The following TOX3 variants were observed in gnomAD, a reference collection of about 807,000 sequenced individuals.
TOX3 encodes CAG trinucleotide repeat-containing gene F9 protein.
In TOX3, 22 loss-of-function variants were observed where a neutral mutation model predicts 64.3. That is an observed-to-expected ratio of 0.34 (90% confidence interval 0.24 to 0.49). The LOEUF (loss-of-function observed/expected upper bound fraction) is 0.49. TOX3 is among the 20% of genes least tolerant of loss of function. The probability of loss-of-function intolerance (pLI) is 0.99; values close to 1 mark genes in which losing one functional copy is unlikely to be tolerated. For missense variants in TOX3, 661 were observed against 714.4 expected (o/e 0.93, Z 0.85); for synonymous variants, 291 against 273.6 (o/e 1.06, Z -0.63).
chr16:52,439,924 C>A lies in TOX3; in HGVS notation c.1032G>T (p.Gln344His). Reference sequence around the variant, plus strand: ...TTAGATTGGTCGACGCCAGGGTCTGCTGAACAGAACGGATGGTCTGGGCTT... The same window carrying A: ...TTAGATTGGTCGACGCCAGGGTCTGATGAACAGAACGGATGGTCTGGGCTT... ...SAEAQTIRSV[Q>H]QTLASTNLTS... The change falls in exon 7 of 7, where the codon CAG (glutamine) becomes CAT (histidine). Residue 344 changes from glutamine (Q) to histidine (H), a missense_variant. Physicochemically the swap from Gln to His is conservative, Grantham distance 24 (BLOSUM62 0). Around this residue, in one of 3 missense-constraint regions of TOX3, gnomAD observed 299 missense variants for 292.1 expected, o/e 1.02. Coordinates refer to ENST00000219746, the MANE Select transcript of TOX3 (RefSeq NM_001080430.4). 6.3e-7 allele frequency: 1 copy of A among 1,598,768 alleles called. No homozygotes were observed. The highest frequency in any genetic ancestry group is 8.5e-7 in the Non-Finnish European group (1 of 1,171,672).
chr16:52,546,861 C>A lies in TOX3; in HGVS notation c.-138G>T, dbSNP rs1963208410. 2.5e-6 allele frequency: 3 copies of A among 1,217,386 alleles called. No homozygotes were observed. The highest frequency in any genetic ancestry group is 3.3e-4 in the Middle Eastern group (1 of 3,076). The allele number at this position is 1,217,386 out of a possible 1,614,324, so 75.4% of individuals were successfully genotyped here. On this transcript the variant is annotated 5_prime_UTR_variant, in exon 1 of 7. Coordinates refer to ENST00000219746, the MANE Select transcript of TOX3 (RefSeq NM_001080430.4). ...ACTCGCGGCCGGAGGGGCGCCGGGA[C>A]CCAGAGCCCGAGGAGCTCGGGAGCC...
At chr16:52,454,423 G>C (rs1458346177) in intron 3 of TOX3, among the ~76,000 whole-genome samples, 2 of 152,002 alleles carry the variant, frequency 1.3e-5, no homozygotes, top group Non-Finnish European at 2.9e-5. Context: ...AGTAACCTCT[G>C]ACCCACATAA....
Position 52,446,018 on chromosome 16 carries a change from G to T in TOX3, c.882C>A (p.Asp294Glu). Residue 294 changes from aspartate (D) to glutamate (E), a missense_variant, in exon 5 of 7, where the codon GAC (aspartate) becomes GAA (glutamate). By Grantham distance (45) the Asp-to-Glu change is conservative. Transcript: ENST00000219746. ...EVSKIVASMW[D>E]SLGEEQKQVY... ...CCTGCTTTTGTTCTTCTCCAAGGCTGTCCCACATAGATGCTACAATTTTTG... is the reference window on the plus strand; with the variant it reads ...CCTGCTTTTGTTCTTCTCCAAGGCTTTCCCACATAGATGCTACAATTTTTG... 6.2e-7 allele frequency: 1 copy of T among 1,613,906 alleles called. No homozygotes were observed. The highest frequency in any genetic ancestry group is 8.5e-7 in the Non-Finnish European group (1 of 1,179,798).
intron 1 of TOX3, among the ~76,000 whole-genome samples, chr16:52,509,879 C>A (rs936278411): frequency 6.6e-6 from 1 of 152,106 alleles, no homozygotes; most frequent in Non-Finnish European, 1.5e-5. Context: ...TTATCAAGTT[C>A]AAAGTCTAAG....
At chr16:52,448,539 G>A (rs534091126) in intron 4 of TOX3, among the ~76,000 whole-genome samples, 1 of 152,248 alleles carries the variant, frequency 6.6e-6, no homozygotes, top group African/African-American at 2.4e-5. Flanking sequence ...AAGACTGTCA[G>A]TGTATTTACC....
At chr16:52,443,060 G>C (rs2151740286) in intron 6 of TOX3, among the ~76,000 whole-genome samples, 1 of 152,214 alleles carries the variant, frequency 6.6e-6, no homozygotes, top group Non-Finnish European at 1.5e-5. Flanking sequence ...ATGCTTTAAT[G>C]CACAAAATCA....
At chr16:52,452,897 C>T (rs1960397517) in intron 3 of TOX3, among the ~76,000 whole-genome samples, 1 of 152,184 alleles carries the variant, frequency 6.6e-6, no homozygotes, top group Non-Finnish European at 1.5e-5. Context: ...TCCCTTATAT[C>T]ACCGGCAGTG....
intron 3 of TOX3, among the ~76,000 whole-genome samples, chr16:52,460,637 C>T (rs1960660315): frequency 6.6e-6 from 1 of 152,116 alleles, no homozygotes; most frequent in African/African-American, 2.4e-5. Flanking sequence ...GCACATACTC[C>T]TGTCCTGTCA....
At chr16:52,484,291 T>C (rs759518604) in intron 1 of TOX3, among the ~76,000 whole-genome samples, 1 of 152,200 alleles carries the variant, frequency 6.6e-6, no homozygotes, top group Non-Finnish European at 1.5e-5. Flanking sequence ...TGAAGCAGTT[T>C]GAATGACAAA....
chr16:52,521,460 G>T (rs1567349007), intron 1 of TOX3, among the ~76,000 whole-genome samples: 1 of 151,866 alleles, frequency 6.6e-6, no homozygotes, highest in African/African-American at 2.4e-5. Flanking sequence ...AAAAAAAAAA[G>T]TTCAGTGGTA....
chr16:52,471,745 T>G (rs1961051258), intron 1 of TOX3, among the ~76,000 whole-genome samples: 1 of 152,222 alleles, frequency 6.6e-6, no homozygotes, highest in Non-Finnish European at 1.5e-5. Flanking sequence ...TTTAGCCCAG[T>G]GACACCCTCT....
At chr16:52,474,376 C>A (rs1475965311) in intron 1 of TOX3, among the ~76,000 whole-genome samples, 1 of 152,130 alleles carries the variant, frequency 6.6e-6, no homozygotes, top group African/African-American at 2.4e-5. Flanking sequence ...TACTTCCCAA[C>A]AGACTATCCT....
chr16:52,536,932 A>G (rs1196342167), intron 1 of TOX3, among the ~76,000 whole-genome samples: 6 of 151,610 alleles, frequency 4.0e-5, no homozygotes, highest in African/African-American at 7.3e-5. Flanking sequence ...ATCTTCAGCC[A>G]TCTTCCCTTT....
rs1963210318 is a variant in TOX3, at chr16:52,546,922, C to CGCGGGAGA, written c.-207_-200dup. ...CACACAAAGGCGCGGCCACGCGAGCCGCGGGAGAGCGGGAGGCGGCCGGGG... is the reference window on the plus strand; with the variant it reads ...CACACAAAGGCGCGGCCACGCGAGCCGCGGGAGAGCGGGAGAGCGGGAGGCGGCCGGGG... On this transcript the variant is annotated 5_prime_UTR_variant, in exon 1 of 7. Transcript: ENST00000219746. The CGCGGGAGA allele has an allele frequency of 3.8e-6, 4 of 1,052,902 alleles. No individual in the cohort carries two copies. The highest frequency in any genetic ancestry group is 4.6e-5 in the South Asian group (1 of 21,958). 65.2% of individuals were successfully genotyped at this position (1,052,902 alleles called of 1,614,324 possible).
In TOX3 at chr16:52,439,477, C is replaced by CTGCTGCTGCAGG. The variant is rs749728444; in HGVS notation, c.1467_1478dup (p.His489_Gln492dup). 2 of 1,438,708 alleles carry CTGCTGCTGCAGG rather than the reference C, an allele frequency of 1.4e-6. No homozygotes were observed. The highest frequency in any genetic ancestry group is 3.9e-5 in the Admixed American group (2 of 50,964). The allele number at this position is 1,438,708 out of a possible 1,614,324, so 89.1% of individuals were successfully genotyped here. ...TAATTTGCTGCTGGAGATGCTGCTG[C>CTGCTGCTGCAGG]TGCTGCTGCAGGTGCTGCTGCATGT... is the stretch of plus-strand genomic sequence containing the variant. On this transcript the variant is annotated inframe_insertion, in exon 7 of 7. Transcript: ENST00000219746.
chr16:52,519,716 G>C (rs776741290), intron 1 of TOX3: 7 of 726,514 alleles, frequency 9.6e-6, no homozygotes, highest in Non-Finnish European at 1.4e-5. Context: ...CCAGCACTTT[G>C]GGAGGCCAAC....
At chr16:52,460,870 C>A (rs1379918228) in intron 3 of TOX3, among the ~76,000 whole-genome samples, 1 of 152,162 alleles carries the variant, frequency 6.6e-6, no homozygotes, top group East Asian at 1.9e-4. Flanking sequence ...GATTTCATTT[C>A]ATTTCAGGCA....
At position 52,546,816 on chromosome 16, in the gene TOX3, G is replaced by T; in HGVS notation, c.-93C>A. Reference sequence around the variant, plus strand: ...CGCCGCTAGATCCACCGTCGAGGGCGCCCGGGGGTGGCGCGTGGGACTCGC... The same window carrying T: ...CGCCGCTAGATCCACCGTCGAGGGCTCCCGGGGGTGGCGCGTGGGACTCGC... On this transcript the variant is annotated 5_prime_UTR_variant, in exon 1 of 7. Coordinates refer to ENST00000219746, the MANE Select transcript of TOX3 (RefSeq NM_001080430.4). 2 of 1,292,246 alleles carry T rather than the reference G, an allele frequency of 1.5e-6. No homozygotes were observed. The highest frequency in any genetic ancestry group is 2.0e-6 in the Non-Finnish European group (2 of 1,021,056). The allele number at this position is 1,292,246 out of a possible 1,614,324, so 80.0% of individuals were successfully genotyped here.
intron 1 of TOX3, among the ~76,000 whole-genome samples, chr16:52,503,636 A>C (rs573564591): frequency 5.9e-5 from 9 of 152,334 alleles, no homozygotes; most frequent in African/African-American, 2.2e-4. Flanking sequence ...AATCAGAACC[A>C]TAATTAATAT....
Sources: allele counts gnomAD v4.1 joint callset (sites outside exome capture counted in the v4.1 genomes callset), GRCh38; gene constraint gnomAD v4.1.1; regional missense constraint gnomAD v4.1.1; transcripts MANE v1.5; gene names NCBI Gene and HGNC (gene_info 2026-07-23, HGNC 2026-07-21).